The following CAMKK1 variants were observed in gnomAD, a reference collection of about 807,000 sequenced individuals.
CAMKK1 encodes the protein calcium/calmodulin-dependent protein kinase kinase 1.
A neutral mutation model predicts 63.5 loss-of-function variants in CAMKK1; 20 were observed. That is an observed-to-expected ratio of 0.32 (90% CI 0.22 to 0.46). The LOEUF (loss-of-function observed/expected upper bound fraction) is 0.46. CAMKK1 is among the 20% of genes least tolerant of loss of function. The pLI, the probability that CAMKK1 is intolerant of heterozygous loss-of-function variation, is 1.00. For synonymous variants in CAMKK1, 253 were observed against 269.0 expected, an observed-to-expected ratio of 0.94 and a Z score of 0.58; for missense variants, 588 against 658.1, an observed-to-expected ratio of 0.89 and a Z score of 1.17.
At chr17:3,865,702 A>G in intron 15 of CAMKK1, 1 of 1,412,410 alleles carries the variant, frequency 7.1e-7, no homozygotes, top group Non-Finnish European at 9.2e-7. Context: ...TGGCCCCAGG[A>G]ATGAAGCAAG....
At chr17:3,871,348 T>G (rs869196918) in intron 12 of CAMKK1, among the ~76,000 whole-genome samples, 24 of 18,620 alleles carry the variant, frequency 1.3e-3, no homozygotes, top group African/African-American at 4.4e-3. Context: ...TTTTTTTTTG[T>G]TTTTTTTTTT....
At position 3,876,390 on chromosome 17, in the gene CAMKK1, T is replaced by C; in HGVS notation, c.829A>G (p.Lys277Glu). 1 of 1,614,220 alleles carries C rather than the reference T, an allele frequency of 6.2e-7. No individual in the cohort carries two copies. Among genetic ancestry groups the C allele is most frequent in the Non-Finnish European group, 8.5e-7 (1 of 1,180,022 alleles). Residue 277 changes from lysine to glutamate, a missense_variant, in exon 10 of 16, where the codon AAG (lysine) becomes GAG (glutamate). Physicochemically the swap from Lys to Glu is moderately conservative, Grantham distance 56. This residue lies in a region of CAMKK1 where 357 missense variants were observed against 407.4 expected (regional missense o/e 0.88). Transcript: ENST00000348335. ...HCQKIVHRDI[K>E]PSNLLLGDDG... ...TCCCCCAGGAGCAGGTTGGATGGCT[T>C]GATGTCCCTGTGGACGATCTTCTGG... is the stretch of plus-strand genomic sequence containing the variant.
intron 11 of CAMKK1, 90 bp from the exon 12 acceptor site, chr17:3,872,717 G>T (rs960900980): frequency 6.5e-6 from 7 of 1,068,758 alleles, no homozygotes; most frequent in African/African-American, 4.6e-5. Context: ...GGGGGCAGGG[G>T]TAGGGGGCAG....
At chr17:3,871,347 G>GTTTTTTT (rs869219931) in intron 12 of CAMKK1, among the ~76,000 whole-genome samples, 13 of 104,358 alleles carry the variant, frequency 1.2e-4, no homozygotes, top group South Asian at 3.3e-4. Context: ...TTTTTTTTTT[G>GTTTTTTT]TTTTTTTTTT....
In CAMKK1 at chr17:3,885,605, A is replaced by C; in HGVS notation, c.83T>G (p.Leu28Trp). Residue 28 changes from leucine to tryptophan, a missense_variant, in exon 2 of 16, where the codon TTG (leucine) becomes TGG (tryptophan). Around this residue, in one of 3 missense-constraint regions of CAMKK1, gnomAD observed 357 missense variants for 407.4 expected, o/e 0.88. Transcript: ENST00000348335. ...ERVAAIDVTH[L>W]EEADGGPEPT... ...CTCTGGGCCACCATCTGCCTCCTCC[A>C]AGTGAGTCACATCGATGGCTGCCAC... 6.2e-7 allele frequency: 1 copy of C among 1,614,100 alleles called. No homozygotes were observed.
Position 3,883,180 on chromosome 17 carries a change from G to A in CAMKK1, c.515-5C>T, listed in dbSNP as rs1368173456. On this transcript the variant is annotated splice_polypyrimidine_tract_variant and splice_region_variant and intron_variant, in intron 5 of 15. Transcript: ENST00000348335. The surrounding 1 kb of genome is among the most constrained non-coding windows in gnomAD (Gnocchi z 4.7). ...ACCCTCTCGGGGGAGGGCGACCTGTGACCAGGAAGAGAACTCAAACACCTG... is the reference window on the plus strand; with the variant it reads ...ACCCTCTCGGGGGAGGGCGACCTGTAACCAGGAAGAGAACTCAAACACCTG... 1.9e-6 allele frequency: 3 copies of A among 1,608,866 alleles called. No individual in the cohort carries two copies. Among genetic ancestry groups the A allele is most frequent in the East Asian group, 2.2e-5 (1 of 44,870 alleles).
At chr17:3,864,125 T>TTC (rs2054422485) in intron 15 of CAMKK1, among the ~76,000 whole-genome samples, 1 of 151,358 alleles carries the variant, frequency 6.6e-6, no homozygotes, top group African/African-American at 2.4e-5. Context: ...GCTAATTTTT[T>TTC]TTTTTTTTAG....
chr17:3,890,624 C>T lies in CAMKK1; in HGVS notation c.-44+2315G>A. On this transcript the variant is annotated intron_variant, in intron 1 of 15. Coordinates refer to ENST00000348335, the MANE Select transcript of CAMKK1 (RefSeq NM_032294.3). The surrounding 1 kb of genome is among the most constrained non-coding windows in gnomAD (Gnocchi z 6.5). ...TTCTTTCCTGACCCAGGTCAGCAATCCGGGAGCCCTCCTTGTCACTCGTCC... is the reference window on the plus strand; with the variant it reads ...TTCTTTCCTGACCCAGGTCAGCAATTCGGGAGCCCTCCTTGTCACTCGTCC... The T allele has an allele frequency of 1.0e-5, 8 of 779,506 alleles. No homozygotes were observed. Among genetic ancestry groups the T allele is most frequent in the Admixed American group, 8.5e-5 (5 of 59,032 alleles). The allele number at this position is 779,506 out of a possible 1,614,324, so 48.3% of individuals were successfully genotyped here. A position where few individuals can be genotyped will look rare whatever the true frequency, so the allele number is the denominator to read the frequency against.
At chr17:3,881,361 TC>T (rs1251131377) in intron 8 of CAMKK1, among the ~76,000 whole-genome samples, 3 of 152,152 alleles carry the variant, frequency 2.0e-5, no homozygotes, top group African/African-American at 7.2e-5. Flanking sequence ...TTCTTCCCCC[TC>T]TCCTCCATCC....
intron 10 of CAMKK1, 75 bp from the exon 11 acceptor site, chr17:3,873,537 G>C: frequency 2.1e-6 from 3 of 1,422,282 alleles, no homozygotes; most frequent in Non-Finnish European, 3.0e-6. Context: ...GCGGGCTGCA[G>C]GAGAGGCCTG....
At chr17:3,870,763 CCT>C (rs1238262943) in intron 12 of CAMKK1, among the ~76,000 whole-genome samples, 12 of 152,144 alleles carry the variant, frequency 7.9e-5, no homozygotes, top group South Asian at 2.1e-4. Context: ...TTCGGTTCCC[CCT>C]GTTGTCTTAG....
At position 3,862,039 on chromosome 17, in the gene CAMKK1, G is replaced by C. The variant is rs2054345388; in HGVS notation, c.*172C>G. ...AAGACCCCAAATGACATACATTCCA[G>C]TCTGTCCCTGGACGTGCGTGCGTGG... On this transcript the variant is annotated 3_prime_UTR_variant, in exon 16 of 16. Transcript: ENST00000348335. The surrounding 1 kb of genome is among the most constrained non-coding windows in gnomAD (Gnocchi z 4.1). 1 of 607,934 alleles carries C rather than the reference G, an allele frequency of 1.6e-6. No homozygotes were observed. The highest frequency in any genetic ancestry group is 2.8e-5 in the Admixed American group (1 of 35,256). The allele number at this position is 607,934 out of a possible 1,614,324, so 37.7% of individuals were successfully genotyped here.
In CAMKK1 at chr17:3,885,448, TG is replaced by T. The variant is rs1338915564; in HGVS notation, c.239del (p.Ala80GlufsTer46). The T allele has an allele frequency of 6.2e-7, 1 of 1,613,290 alleles. No individual in the cohort carries two copies. The highest frequency in any genetic ancestry group is 8.5e-7 in the Non-Finnish European group (1 of 1,179,998). On this transcript the variant is annotated frameshift_variant, in exon 2 of 16. Coordinates refer to ENST00000348335, the MANE Select transcript of CAMKK1 (RefSeq NM_032294.3). LOFTEE classifies it high-confidence loss of function. Reference sequence around the variant, plus strand: ...CAGCCTGCGCCTCCAGATAGCTTCCTGCTGGCCGCTCCTGTAGGGAAAGCTT... The same window carrying T: ...CAGCCTGCGCCTCCAGATAGCTTCCTCTGGCCGCTCCTGTAGGGAAAGCTT... The part of the protein sequence containing the change: ...ARKLSLQERP[A>X]GSYLEAQAGP...
At chr17:3,869,363 G>C in intron 14 of CAMKK1, 124 bp downstream of exon 14, 1 of 1,346,458 alleles carries the variant, frequency 7.4e-7, no homozygotes, top group Non-Finnish European at 1.0e-6. Flanking sequence ...GGCGGCTCCA[G>C]TGGCCCAGGA....
intron 1 of CAMKK1, among the ~76,000 whole-genome samples, chr17:3,886,021 C>A (rs2055635298): frequency 6.6e-6 from 1 of 152,234 alleles, no homozygotes; most frequent in Non-Finnish European, 1.5e-5. Flanking sequence ...GGAATCAGGA[C>A]AGACAGGGCA....
At position 3,892,731 on chromosome 17, in the gene CAMKK1, G is replaced by C. The variant is rs1223952393; in HGVS notation, c.-44+208C>G. 6.6e-6 allele frequency among the ~76,000 whole-genome samples: 1 copy of C among 152,156 alleles called. No homozygotes were observed. Among genetic ancestry groups the C allele is most frequent in the Non-Finnish European group, 1.5e-5 (1 of 68,016 alleles). On this transcript the variant is annotated intron_variant, in intron 1 of 15. Coordinates refer to ENST00000348335, the MANE Select transcript of CAMKK1 (RefSeq NM_032294.3). The surrounding 1 kb of genome is among the most constrained non-coding windows in gnomAD (Gnocchi z 7.5). ...CCGCGGCGATGCGGTCCCGGCGGCC[G>C]GCGCAGACCCGAGCAGACTCCGCGA...
In CAMKK1 at chr17:3,883,959, C is replaced by A; in HGVS notation, c.409-22G>T. 1 of 1,612,696 alleles carries A rather than the reference C, an allele frequency of 6.2e-7. No homozygotes were observed. Among genetic ancestry groups the A allele is most frequent in the Non-Finnish European group, 8.5e-7 (1 of 1,179,698 alleles). ...CACCCTGCAGATAGGCATCAGTCAG[C>A]CCCACCTGGACAGGGCAACCCCTCC... On this transcript the variant is annotated intron_variant, in intron 3 of 15. Transcript: ENST00000348335. The surrounding 1 kb of genome is among the most constrained non-coding windows in gnomAD (Gnocchi z 4.7).
Position 3,869,484 on chromosome 17 carries a change from T to A in CAMKK1, c.1341+3A>T. The A allele has an allele frequency of 6.2e-7, 1 of 1,614,156 alleles. No individual in the cohort carries two copies. The highest frequency in any genetic ancestry group is 8.5e-7 in the Non-Finnish European group (1 of 1,180,020). On this transcript the variant is annotated splice_donor_region_variant and intron_variant, in intron 14 of 15. Transcript: ENST00000348335. The stretch of plus-strand genomic sequence containing the variant: ...AAGGGAGCATCTACCCCGGCTCTCT[T>A]ACCACCGTGGTCCAGCTGGGGATGA...
intron 8 of CAMKK1, 41 bp from the exon 9 acceptor site, chr17:3,880,475 A>C: frequency 3.9e-6 from 6 of 1,541,928 alleles, no homozygotes; most frequent in Non-Finnish European, 5.3e-6. Flanking sequence ...AGCTGAAATC[A>C]GGGCACCCGG....
Sources: allele counts gnomAD v4.1 joint callset (sites outside exome capture counted in the v4.1 genomes callset), GRCh38; gene constraint gnomAD v4.1.1; regional missense constraint gnomAD v4.1.1; non-coding constraint Gnocchi (gnomAD v3.1); transcripts MANE v1.5; gene names NCBI Gene and HGNC (gene_info 2026-07-23, HGNC 2026-07-21).